Variants in CSMD1 observed in about 807,000 individuals in gnomAD.
CSMD1 encodes the protein CUB and Sushi multiple domains 1.
CSMD1 carries 213 observed loss-of-function variants against 417.5 expected under a neutral mutation model. The ratio of observed to expected loss-of-function variants is 0.51; its 90% confidence interval spans 0.46 to 0.57. CSMD1 has a LOEUF of 0.57. Among genes scored for constraint, CSMD1 ranks in the 20% least tolerant of loss-of-function variants. The pLI is 0.00. For missense variants in CSMD1, 6,923 were observed against 4,529.7 expected (o/e 1.53, Z -15.17); for synonymous variants, 2,862 against 1,736.8 (o/e 1.65, Z -16.11).
At chr8:3,248,278 G>C (rs17319624) in intron 26 of CSMD1, among the ~76,000 whole-genome samples, 2 of 151,680 alleles carry the variant, frequency 1.3e-5, no homozygotes, top group East Asian at 3.9e-4. Flanking sequence ...GACACGTTCA[G>C]CCTTATCCAG....
At chr8:3,630,340 C>T (rs17066691) in intron 7 of CSMD1, among the ~76,000 whole-genome samples, 7,279 of 152,244 alleles carry the variant, frequency 0.048, 227 homozygotes, top group Middle Eastern at 0.12. Context: ...TTTAAAAACC[C>T]TCTTGCCCAG....
At chr8:3,994,243 T>G (rs1968324) in intron 5 of CSMD1, among the ~76,000 whole-genome samples, 125,795 of 152,032 alleles carry the variant, frequency 0.83, 52,259 homozygotes, top group East Asian at 0.98. Flanking sequence ...TGGAAGCCTG[T>G]TTCTTTTGTT....
intron 10 of CSMD1, among the ~76,000 whole-genome samples, chr8:3,561,331 C>A (rs1799458343): frequency 2.0e-5 from 3 of 152,168 alleles, no homozygotes; most frequent in African/African-American, 7.2e-5. Flanking sequence ...GACACCCGCA[C>A]TCCTCTGTTC....
chr8:4,830,818 G>A (rs764774172), intron 1 of CSMD1, among the ~76,000 whole-genome samples: 59 of 152,202 alleles, frequency 3.9e-4, no homozygotes, highest in Admixed American at 1.0e-3. Context: ...AATGTGGAAT[G>A]AGCAGGGAAA....
intron 3 of CSMD1, among the ~76,000 whole-genome samples, chr8:4,132,148 A>G (rs1056853260): frequency 2.7e-5 from 4 of 150,864 alleles, no homozygotes; most frequent in African/African-American, 9.8e-5. Flanking sequence ...ATTTCTACAG[A>G]TCAGCTGTTG....
At chr8:4,243,128 A>G (rs191786343) in intron 3 of CSMD1, among the ~76,000 whole-genome samples, 3 of 152,194 alleles carry the variant, frequency 2.0e-5, no homozygotes, top group African/African-American at 7.2e-5. Flanking sequence ...AATCAGACAA[A>G]TTGAGCAGTT....
In CSMD1 at chr8:3,304,190, T is replaced by C. The variant is rs139298720; in HGVS notation, c.3950+3505A>G. 2.3e-4 allele frequency among the ~76,000 whole-genome samples: 35 copies of C among 152,298 alleles called. No homozygotes were observed. The East Asian group carries it at 6.4e-3, about 28-fold the overall frequency. On this transcript the variant is annotated intron_variant, in intron 25 of 69. Coordinates refer to ENST00000635120, the MANE Select transcript of CSMD1 (RefSeq NM_033225.6). ...AAATGCATAGTAATGATTACATTTA[T>C]ATTAAGATATTTTAAAGAGCTAAAT...
chr8:3,062,936 T>G (rs943034281), intron 49 of CSMD1, among the ~76,000 whole-genome samples: 1 of 152,114 alleles, frequency 6.6e-6, no homozygotes, highest in Admixed American at 6.5e-5. Context: ...TTTTTCGGAA[T>G]ATAAAACAAA....
chr8:4,097,097 C>G (rs373328565), intron 3 of CSMD1, among the ~76,000 whole-genome samples: 2 of 152,104 alleles, frequency 1.3e-5, no homozygotes, highest in Non-Finnish European at 2.9e-5. Flanking sequence ...AAAAGAAGCA[C>G]GGCTGTGCCT....
At chr8:3,617,130 G>A (rs965327303) in intron 7 of CSMD1, among the ~76,000 whole-genome samples, 1 of 152,124 alleles carries the variant, frequency 6.6e-6, no homozygotes, top group African/African-American at 2.4e-5. Context: ...ACAGCATTAT[G>A]AGAAAAACGC....
intron 2 of CSMD1, among the ~76,000 whole-genome samples, chr8:4,448,413 G>A (rs761489204): frequency 6.6e-6 from 1 of 152,130 alleles, no homozygotes; most frequent in African/African-American, 2.4e-5. Flanking sequence ...AACCCTGTGT[G>A]CCCTGATGCA....
In CSMD1 at chr8:4,137,507, A is replaced by G. The variant is rs1318755069; in HGVS notation, c.416-105408T>C. Among the ~76,000 whole-genome samples the G allele has an allele frequency of 3.8e-5, 5 of 132,064 alleles. 1 individual carries two copies. Among genetic ancestry groups the G allele is most frequent in the African/African-American group, 1.2e-4 (5 of 40,440 alleles). The allele number at this position is 132,064 out of a possible 152,430, so 86.6% of individuals were successfully genotyped here. The stretch of plus-strand genomic sequence containing the variant: ...AGAATATAACATTGTTTTTCCTTTT[A>G]AAAATATTATGGTAGTGTTTAATAT... On this transcript the variant is annotated intron_variant, in intron 3 of 69. Coordinates refer to ENST00000635120, the MANE Select transcript of CSMD1 (RefSeq NM_033225.6).
chr8:3,927,120 T>C (rs918513231), intron 5 of CSMD1, among the ~76,000 whole-genome samples: 1 of 151,986 alleles, frequency 6.6e-6, no homozygotes, highest in Non-Finnish European at 1.5e-5. Context: ...TAACTGAGAA[T>C]AATATAAATT....
At chr8:4,260,910 G>A (rs914970864) in intron 3 of CSMD1, among the ~76,000 whole-genome samples, 2 of 152,010 alleles carry the variant, frequency 1.3e-5, no homozygotes, top group Non-Finnish European at 2.9e-5. Context: ...GGAACACCAC[G>A]GTTATTTTAG....
chr8:4,994,496 C>A lies in CSMD1; in HGVS notation c.-80G>T, dbSNP rs1811652772. On this transcript the variant is annotated 5_prime_UTR_variant, in exon 1 of 70. Transcript: ENST00000635120. Reference sequence around the variant, plus strand: ...GGCTATGAGCGGAGCCAAATAATCACCCGAGGGCAAGGCGAGCCGGAGAGA... The same window carrying A: ...GGCTATGAGCGGAGCCAAATAATCAACCGAGGGCAAGGCGAGCCGGAGAGA... 13 of 1,320,862 alleles carry A rather than the reference C, an allele frequency of 9.8e-6. No individual in the cohort carries two copies. Among genetic ancestry groups the A allele is most frequent in the Non-Finnish European group, 1.4e-5 (13 of 940,646 alleles). The allele number at this position is 1,320,862 out of a possible 1,614,324, so 81.8% of individuals were successfully genotyped here.
At position 3,235,916 on chromosome 8, in the gene CSMD1, G is replaced by GTTTTTTTTTTTTT. The variant is rs11414439; in HGVS notation, c.4154-5698_4154-5686dup. 1.9e-3 allele frequency among the ~76,000 whole-genome samples: 223 copies of GTTTTTTTTTTTTT among 119,312 alleles called. 15 individuals are homozygous for GTTTTTTTTTTTTT. The highest frequency in any genetic ancestry group is 0.011 in the East Asian group (43 of 3,848). The allele number at this position is 119,312 out of a possible 152,430, so 78.3% of individuals were successfully genotyped here. The stretch of plus-strand genomic sequence containing the variant: ...TTATGCCAGTTATATGAAGATGTAA[G>GTTTTTTTTTTTTT]TTTTTTTTTTTTTTTTTTTGAGACA... On this transcript the variant is annotated intron_variant, in intron 26 of 69. Transcript: ENST00000635120.
intron 3 of CSMD1, among the ~76,000 whole-genome samples, chr8:4,394,111 T>C (rs1450419215): frequency 6.6e-6 from 1 of 152,198 alleles, no homozygotes; most frequent in Non-Finnish European, 1.5e-5. Context: ...AACGATTAAT[T>C]TTCCAGATTA....
intron 3 of CSMD1, among the ~76,000 whole-genome samples, chr8:4,049,563 T>C (rs1798315778): frequency 6.6e-6 from 1 of 152,126 alleles, no homozygotes; most frequent in African/African-American, 2.4e-5. Context: ...TTCTAGATTT[T>C]TATACCCAAC....
intron 1 of CSMD1, among the ~76,000 whole-genome samples, chr8:4,797,606 G>C (rs1013083533): frequency 1.3e-5 from 2 of 152,152 alleles, no homozygotes; most frequent in East Asian, 1.9e-4. Context: ...TGGGGGGAGA[G>C]AGAAAAAGAG....
Sources: gnomAD v4.1 joint callset for allele counts (sites outside exome capture counted in the v4.1 genomes callset) on GRCh38, gnomAD v4.1.1 for gene constraint, MANE v1.5 for transcripts, NCBI Gene and HGNC (gene_info 2026-07-23, HGNC 2026-07-21) for gene names.